TBC1D1: variants seen among roughly 807,000 people sequenced by gnomAD.
TBC1D1 encodes TBC1 domain family member 1, also known as TBC1 (tre-2/USP6, BUB2, cdc16) domain family, member 1.
TBC1D1 carries 89 observed loss-of-function variants against 125.6 expected under a neutral mutation model. That is an observed-to-expected ratio of 0.71 (90% confidence interval 0.60 to 0.85). The LOEUF (loss-of-function observed/expected upper bound fraction) is 0.85, where lower values mean the gene tolerates loss of function less well. TBC1D1 is among the 40% of genes least tolerant of loss of function. The pLI, the probability that TBC1D1 is intolerant of heterozygous loss-of-function variation, is 0.00. For synonymous variants in TBC1D1, 565 were observed against 564.1 expected (o/e 1.00, Z -0.02); for missense variants, 1,377 against 1,469.2 (o/e 0.94, Z 1.03).
intron 2 of TBC1D1, 90 bp downstream of exon 2, chr4:37,902,602 A>G (rs1007901378): frequency 4.7e-6 from 5 of 1,055,422 alleles, no homozygotes; most frequent in African/African-American, 1.6e-5. Context: ...GTATACTGAA[A>G]TGAATAAGGA....
At chr4:38,089,880 G>A (rs1029928111) in intron 12 of TBC1D1, 52 bp from the exon 15 acceptor site, 13 of 1,503,122 alleles carry the variant, frequency 8.6e-6, no homozygotes, top group Middle Eastern at 3.9e-4. Flanking sequence ...GTGTTTGAAT[G>A]TGCATTTTTT....
intron 10 of TBC1D1, among the ~76,000 whole-genome samples, chr4:38,048,897 T>A (rs1749965570): frequency 6.6e-6 from 1 of 152,230 alleles, no homozygotes; most frequent in African/African-American, 2.4e-5. Flanking sequence ...AACAAATGTT[T>A]GAGCACTCAC....
chr4:37,988,780 C>T (rs1378528414), intron 2 of TBC1D1, among the ~76,000 whole-genome samples: 2 of 152,144 alleles, frequency 1.3e-5, no homozygotes, highest in Non-Finnish European at 2.9e-5. Flanking sequence ...GATGGACCGC[C>T]CCCTCCTCAG....
chr4:38,137,514 G>T lies in TBC1D1; in HGVS notation c.*179G>T. 1.1e-6 allele frequency: 1 copy of T among 882,598 alleles called. No homozygotes were observed. The highest frequency in any genetic ancestry group is 1.7e-5 in the African/African-American group (1 of 59,172). The allele number at this position is 882,598 out of a possible 1,614,324, so 54.7% of individuals were successfully genotyped here. On this transcript the variant is annotated 3_prime_UTR_variant, in exon 20 of 20. Coordinates refer to ENST00000261439, the MANE Select transcript of TBC1D1 (RefSeq NM_015173.4). ...TGCAATTCAGGGGGCATGTCCCAGT[G>T]TTTTTTTTGTTGTTTTTAGATACTA...
At position 38,103,148 on chromosome 4, in the gene TBC1D1, A is replaced by G. The variant is rs756424689; in HGVS notation, c.2548A>G (p.Ile850Val). 5.0e-6 allele frequency: 8 copies of G among 1,610,908 alleles called. No individual in the cohort carries two copies. In the African/African-American group the frequency reaches 9.4e-5, roughly 19 times the overall value. The change falls in exon 15 of 20, where the codon ATT becomes GTT. Residue 850 changes from isoleucine (I) to valine (V), a missense_variant. Ile to Val is a conservative substitution (Grantham distance 29). Coordinates refer to ENST00000261439, the MANE Select transcript of TBC1D1 (RefSeq NM_015173.4). ...GACTTCCCAGCAGCATGCGATTCTT[A>G]TTGACCTTGGTAAGTCTGTGCCATC...
rs139240414 is a variant in TBC1D1 at position 38,071,256 on chromosome 4, C to T, written c.2050+16918C>T. On this transcript the variant is annotated intron_variant, in intron 12 of 19. Coordinates refer to ENST00000261439, the MANE Select transcript of TBC1D1 (RefSeq NM_015173.4). ...CTTCCTGCCTGCTCCCCACCCACCCCTGGGAAAGAGCCCCCAAGTGTCCAA... is the reference window on the plus strand; with the variant it reads ...CTTCCTGCCTGCTCCCCACCCACCCTTGGGAAAGAGCCCCCAAGTGTCCAA... Among the ~76,000 whole-genome samples the T allele has an allele frequency of 2.8e-4, 43 of 152,292 alleles. 1 individual carries two copies. The East Asian group carries it at 3.9e-3, about 14-fold the overall frequency.
At chr4:38,069,005 C>T (rs1297857197) in intron 12 of TBC1D1, among the ~76,000 whole-genome samples, 2 of 152,218 alleles carry the variant, frequency 1.3e-5, no homozygotes, top group East Asian at 1.9e-4. Flanking sequence ...ACCCACACTG[C>T]TCCTAAAACT....
chr4:37,921,066 C>T (rs368921473), intron 2 of TBC1D1, among the ~76,000 whole-genome samples: 3 of 141,490 alleles, frequency 2.1e-5, no homozygotes, highest in South Asian at 2.3e-4. Flanking sequence ...GCCGAGATCG[C>T]GCCACTGCAC....
intron 2 of TBC1D1, among the ~76,000 whole-genome samples, chr4:37,963,085 A>G (rs375567582): frequency 9.2e-5 from 14 of 152,330 alleles, no homozygotes; most frequent in African/African-American, 3.4e-4. Flanking sequence ...GTCCTCTGCT[A>G]CAGTCCATAA....
At chr4:37,950,989 C>G (rs1363643452) in intron 2 of TBC1D1, among the ~76,000 whole-genome samples, 1 of 152,120 alleles carries the variant, frequency 6.6e-6, no homozygotes, top group East Asian at 1.9e-4. Flanking sequence ...GTCTCGAACT[C>G]CTGACCTCAG....
Position 38,051,753 on chromosome 4 carries a change from A to C in TBC1D1, c.1910+1855A>C, listed in dbSNP as rs966023685. ...CCAGAGAGCGAGCAGAGATGAGGAAAAGGAGTGGAAGAAGTCCTCCACTCT... is the reference window on the plus strand; with the variant it reads ...CCAGAGAGCGAGCAGAGATGAGGAACAGGAGTGGAAGAAGTCCTCCACTCT... On this transcript the variant is annotated intron_variant, in intron 11 of 19. Coordinates refer to ENST00000261439, the MANE Select transcript of TBC1D1 (RefSeq NM_015173.4). 37 of 719,948 alleles carry C rather than the reference A, an allele frequency of 5.1e-5. No homozygotes were observed. The Admixed American group carries it at 1.1e-3, about 21-fold the overall frequency. The allele number at this position is 719,948 out of a possible 1,614,324, so 44.6% of individuals were successfully genotyped here. A position where few individuals can be genotyped will look rare whatever the true frequency, so the allele number is the denominator to read the frequency against.
intron 13 of TBC1D1, among the ~76,000 whole-genome samples, chr4:38,094,479 C>A (rs370987843): frequency 1.3e-5 from 2 of 152,256 alleles, no homozygotes; most frequent in East Asian, 3.9e-4. Flanking sequence ...ATCTGAAGTT[C>A]TTGCCCTGGA....
chr4:38,109,087 G>A (rs1268313775), intron 15 of TBC1D1, among the ~76,000 whole-genome samples: 1 of 152,212 alleles, frequency 6.6e-6, no homozygotes, highest in Non-Finnish European at 1.5e-5. Context: ...TTGAAGTCCT[G>A]TGTGAGAAAT....
chr4:38,001,985 T>C lies in TBC1D1; in HGVS notation c.418-12524T>C, dbSNP rs182896332. Among the ~76,000 whole-genome samples the C allele has an allele frequency of 5.2e-4, 79 of 152,330 alleles. 1 individual carries two copies. The highest frequency in any genetic ancestry group is 5.1e-3 in the Admixed American group (78 of 15,304). Reference sequence around the variant, plus strand: ...TAATTTATGCATTTGAGAACTTTATTCTTCAGGGTCCATAGGCTTCACCAG... The same window carrying C: ...TAATTTATGCATTTGAGAACTTTATCCTTCAGGGTCCATAGGCTTCACCAG... On this transcript the variant is annotated intron_variant, in intron 2 of 19. Coordinates refer to ENST00000261439, the MANE Select transcript of TBC1D1 (RefSeq NM_015173.4).
intron 14 of TBC1D1, among the ~76,000 whole-genome samples, chr4:38,097,310 C>A (rs1452080273): frequency 6.6e-6 from 1 of 151,446 alleles, no homozygotes; most frequent in Non-Finnish European, 1.5e-5. Flanking sequence ...TTACAGGCGC[C>A]CGGCACCATG....
intron 2 of TBC1D1, among the ~76,000 whole-genome samples, chr4:38,001,827 C>A (rs1739152799): frequency 6.6e-6 from 1 of 152,206 alleles, no homozygotes; most frequent in African/African-American, 2.4e-5. Flanking sequence ...CTCATCACTG[C>A]TTTAAGTTAC....
chr4:38,115,106 T>TTTTTTC (rs1319881873), intron 15 of TBC1D1, among the ~76,000 whole-genome samples: 15 of 71,246 alleles, frequency 2.1e-4, no homozygotes, highest in African/African-American at 7.5e-4. Flanking sequence ...TTCTTTTTTT[T>TTTTTTC]TTTTTTTTTT....
chr4:38,053,181 T>C, intron 11 of TBC1D1: 1 of 1,535,832 alleles, frequency 6.5e-7, no homozygotes, highest in Non-Finnish European at 8.8e-7. Flanking sequence ...AATTTCTGGC[T>C]CCTGTAGATG....
chr4:38,084,529 A>T (rs1757142879), intron 12 of TBC1D1, among the ~76,000 whole-genome samples: 2 of 152,252 alleles, frequency 1.3e-5, no homozygotes, highest in African/African-American at 4.8e-5. Context: ...CAATATGACA[A>T]CATTAAGTCT....
Sources: allele counts gnomAD v4.1 joint callset (sites outside exome capture counted in the v4.1 genomes callset), GRCh38; gene constraint gnomAD v4.1.1; transcripts MANE v1.5; gene names NCBI Gene and HGNC (gene_info 2026-07-23, HGNC 2026-07-21).